The following SLAMF8 variants were observed in gnomAD, a reference collection of about 807,000 sequenced individuals.
SLAMF8 encodes the protein SLAM family member 8.
Under a neutral mutation model 29.0 loss-of-function variants are expected in SLAMF8, and 23 were observed. The observed-to-expected ratio is 0.79, with a 90% CI of 0.57 to 1.13. The LOEUF is 1.13. Among genes scored for constraint, SLAMF8 ranks in the 50% most tolerant of loss-of-function variants. The pLI is 0.00. For missense variants in SLAMF8, 381 were observed against 353.1 expected (o/e 1.08, Z -0.63); for synonymous variants, 139 against 145.6 (o/e 0.96, Z 0.32).
rs553740686 is a variant in SLAMF8 at position 159,826,974 on chromosome 1, G to C, written c.40+36G>C. The C allele has an allele frequency of 1.7e-5, 28 of 1,613,562 alleles. No homozygotes were observed. The South Asian group carries it at 2.9e-4, about 16-fold the overall frequency. Reference sequence around the variant, plus strand: ...CAGGCAGATAGCCTGTCCTCGGAGAGCTGAAGGCCCCTCCCCAGCTGCCTA... The same window carrying C: ...CAGGCAGATAGCCTGTCCTCGGAGACCTGAAGGCCCCTCCCCAGCTGCCTA... On this transcript the variant is annotated intron_variant, in intron 1 of 4. Transcript: ENST00000289707.
At chr1:159,835,140 T>A in intron 4 of SLAMF8, 44 bp from the exon 5 acceptor site, 1 of 1,594,516 alleles carries the variant, frequency 6.3e-7, no homozygotes, top group Non-Finnish European at 8.6e-7. Flanking sequence ...ATTCCAAGAC[T>A]CCAAACACTG....
rs752748736 is a variant in SLAMF8 at position 159,829,976 on chromosome 1, C to T, written c.151C>T (p.Arg51Ter). The change falls in exon 2 of 5, where the codon CGA (arginine) becomes TGA (stop). Residue 51 changes from arginine to a stop codon, truncating the protein, a stop_gained. Coordinates refer to ENST00000289707, the MANE Select transcript of SLAMF8 (RefSeq NM_020125.3). LOFTEE classifies it high-confidence loss of function. ...PGFQVREAIW[R>*]SLWPSEELLA... ...CTTCCAAGTCCGTGAGGCTATCTGG[C>T]GATCTCTCTGGCCTTCAGAAGAGCT... The T allele has an allele frequency of 3.0e-5, 49 of 1,614,134 alleles. No individual in the cohort carries two copies. Among genetic ancestry groups the T allele is most frequent in the Admixed American group, 1.2e-4 (7 of 60,016 alleles).
chr1:159,830,009 A>ACGTTT lies in SLAMF8; in HGVS notation c.185_189dup (p.Phe64ArgfsTer43), dbSNP rs769680613. 1 of 1,614,202 alleles carries ACGTTT rather than the reference A, an allele frequency of 6.2e-7. No individual in the cohort carries two copies. Among genetic ancestry groups the ACGTTT allele is most frequent in the South Asian group, 1.1e-5 (1 of 91,082 alleles). ...CTGGCCTTCAGAAGAGCTCCTGGCC[A>ACGTTT]CGTTTTTCCGAGGCTCCCTGGAGAC... On this transcript the variant is annotated frameshift_variant, in exon 2 of 5. Transcript: ENST00000289707. LOFTEE classifies it high-confidence loss of function.
Position 159,830,100 on chromosome 1 carries a change from C to T in SLAMF8, c.275C>T (p.Pro92Leu), listed in dbSNP as rs141884763. 3.6e-5 allele frequency: 58 copies of T among 1,614,092 alleles called. No individual in the cohort carries two copies. The highest frequency in any genetic ancestry group is 8.3e-5 in the Admixed American group (5 of 60,008). ...LHSNLSLELGPLESGDSGNFS... is the reference protein window; with the variant it reads ...LHSNLSLELGLLESGDSGNFS... Reference sequence around the variant, plus strand: ...AGCAACCTCAGCCTGGAGCTCGGGCCGCTGGAGTCTGGAGACAGCGGCAAC... The same window carrying T: ...AGCAACCTCAGCCTGGAGCTCGGGCTGCTGGAGTCTGGAGACAGCGGCAAC... The change falls in exon 2 of 5, where the codon CCG becomes CTG. Residue 92 changes from proline to leucine, a missense_variant. By Grantham distance (98) the Pro-to-Leu change is moderately conservative. Coordinates refer to ENST00000289707, the MANE Select transcript of SLAMF8 (RefSeq NM_020125.3).
chr1:159,837,450 G>A lies in SLAMF8; in HGVS notation c.*2190G>A, dbSNP rs548662612. ...GTAGTCAAGCGAAACCCTTGCCTTT[G>A]AGAGTTTATGGTCTGGATAATATAA... is the stretch of plus-strand genomic sequence containing the variant. On this transcript the variant is annotated 3_prime_UTR_variant, in exon 5 of 5. Coordinates refer to ENST00000289707, the MANE Select transcript of SLAMF8 (RefSeq NM_020125.3). 3.7e-6 allele frequency: 1 copy of A among 271,152 alleles called. No individual in the cohort carries two copies. Among genetic ancestry groups the A allele is most frequent in the East Asian group, 1.8e-4 (1 of 5,698 alleles). 16.8% of individuals were successfully genotyped at this position (271,152 alleles called of 1,614,324 possible).
chr1:159,836,172 C>T lies in SLAMF8; in HGVS notation c.*912C>T. Reference sequence around the variant, plus strand: ...TGCCTGAAACTGAGAGAGTGAAGAACCATAAAACGCTATGCAGAAGGAACA... The same window carrying T: ...TGCCTGAAACTGAGAGAGTGAAGAATCATAAAACGCTATGCAGAAGGAACA... On this transcript the variant is annotated 3_prime_UTR_variant, in exon 5 of 5. Transcript: ENST00000289707. The T allele has an allele frequency of 3.0e-6, 3 of 985,388 alleles. No homozygotes were observed. Among genetic ancestry groups the T allele is most frequent in the Non-Finnish European group, 3.6e-6 (3 of 829,924 alleles). The allele number at this position is 985,388 out of a possible 1,614,324, so 61.0% of individuals were successfully genotyped here. A position where few individuals can be genotyped will look rare whatever the true frequency, so the allele number is the denominator to read the frequency against.
Position 159,836,163 on chromosome 1 carries a change from A to G in SLAMF8, c.*903A>G. On this transcript the variant is annotated 3_prime_UTR_variant, in exon 5 of 5. Transcript: ENST00000289707. ...GAGTCTTCCTGCCTGAAACTGAGAG[A>G]GTGAAGAACCATAAAACGCTATGCA... The G allele has an allele frequency of 1.0e-6, 1 of 985,314 alleles. No homozygotes were observed. 61.0% of individuals were successfully genotyped at this position (985,314 alleles called of 1,614,324 possible). A position where few individuals can be genotyped will look rare whatever the true frequency, so the allele number is the denominator to read the frequency against.
At position 159,830,147 on chromosome 1, in the gene SLAMF8, A is replaced by C. The variant is rs1054977744; in HGVS notation, c.322A>C (p.Thr108Pro). 6 of 1,613,510 alleles carry C rather than the reference A, an allele frequency of 3.7e-6. No individual in the cohort carries two copies. Among genetic ancestry groups the C allele is most frequent in the Non-Finnish European group, 4.2e-6 (5 of 1,179,564 alleles). Residue 108 changes from threonine (T) to proline (P), a missense_variant, in exon 2 of 5, where the codon ACA becomes CCA. By Grantham distance (38) the Thr-to-Pro change is conservative (BLOSUM62 -1). Coordinates refer to ENST00000289707, the MANE Select transcript of SLAMF8 (RefSeq NM_020125.3). ...SGNFSVLMVDTRGQPWTQTLQ... is the reference protein window; with the variant it reads ...SGNFSVLMVDPRGQPWTQTLQ... ...CAACTTCTCCGTGTTGATGGTGGAC[A>C]CAAGGGGCCAGCCCTGGACCCAGAC... is the stretch of plus-strand genomic sequence containing the variant.
chr1:159,832,522 TAGGAGGACA>T (rs1370989562), intron 2 of SLAMF8, among the ~76,000 whole-genome samples: 1 of 152,190 alleles, frequency 6.6e-6, no homozygotes, highest in East Asian at 1.9e-4. Flanking sequence ...AGAAGTTTTC[TAGGAGGACA>T]AGAAGGGAAA....
intron 2 of SLAMF8, among the ~76,000 whole-genome samples, chr1:159,830,941 C>G (rs1424036500): frequency 6.6e-6 from 1 of 152,198 alleles, no homozygotes; most frequent in Non-Finnish European, 1.5e-5. Context: ...GGTGCGACTT[C>G]TGCTTCGCAT....
rs1212224236 is a variant in SLAMF8 at position 159,837,023 on chromosome 1, C to G, written c.*1763C>G. On this transcript the variant is annotated 3_prime_UTR_variant, in exon 5 of 5. Transcript: ENST00000289707. ...GAAAGCCCAGGATCTGACAATGAGC[C>G]CTGGTGGATTTGTGGGGAAAAAATA... 1 of 985,262 alleles carries G rather than the reference C, an allele frequency of 1.0e-6. No homozygotes were observed. Among genetic ancestry groups the G allele is most frequent in the Non-Finnish European group, 1.2e-6 (1 of 829,950 alleles). 61.0% of individuals were successfully genotyped at this position (985,262 alleles called of 1,614,324 possible).
At chr1:159,828,784 G>A (rs568807619) in intron 1 of SLAMF8, among the ~76,000 whole-genome samples, 72 of 152,242 alleles carry the variant, frequency 4.7e-4, no homozygotes, top group Admixed American at 4.6e-3. Context: ...TGAGGGATAG[G>A]GGAGGTCGGA....
In SLAMF8 at chr1:159,837,095, C is replaced by T; in HGVS notation, c.*1835C>T. ...TTCGTTCATCTCCAGGGCCCCACCTCAGATCAAAGCAGCTCTGGATGAGAT... is the reference window on the plus strand; with the variant it reads ...TTCGTTCATCTCCAGGGCCCCACCTTAGATCAAAGCAGCTCTGGATGAGAT... On this transcript the variant is annotated 3_prime_UTR_variant, in exon 5 of 5. Coordinates refer to ENST00000289707, the MANE Select transcript of SLAMF8 (RefSeq NM_020125.3). 1.0e-6 allele frequency: 1 copy of T among 985,472 alleles called. No individual in the cohort carries two copies. The highest frequency in any genetic ancestry group is 1.2e-6 in the Non-Finnish European group (1 of 829,964). 61.0% of individuals were successfully genotyped at this position (985,472 alleles called of 1,614,324 possible).
rs148009811 is a variant in SLAMF8, at chr1:159,830,096, G to A, written c.271G>A (p.Gly91Arg). The A allele has an allele frequency of 1.6e-4, 257 of 1,614,158 alleles. 1 individual carries two copies. Among genetic ancestry groups the A allele is most frequent in the African/African-American group, 1.5e-3 (109 of 75,036 alleles). Residue 91 changes from glycine to arginine, a missense_variant, in exon 2 of 5, where the codon GGG (glycine) becomes AGG (arginine). Gly to Arg is a moderately radical substitution (Grantham distance 125). Transcript: ENST00000289707. ...QLHSNLSLEL[G>R]PLESGDSGNF... is the part of the protein sequence containing the mutation. ...ACACAGCAACCTCAGCCTGGAGCTC[G>A]GGCCGCTGGAGTCTGGAGACAGCGG...
Position 159,835,482 on chromosome 1 carries a change from C to G in SLAMF8, c.*222C>G, listed in dbSNP as rs1352076133. The G allele has an allele frequency of 1.5e-6, 2 of 1,327,492 alleles. No individual in the cohort carries two copies. Among genetic ancestry groups the G allele is most frequent in the African/African-American group, 3.0e-5 (2 of 67,016 alleles). The allele number at this position is 1,327,492 out of a possible 1,614,324, so 82.2% of individuals were successfully genotyped here. A position where few individuals can be genotyped will look rare whatever the true frequency, so the allele number is the denominator to read the frequency against. On this transcript the variant is annotated 3_prime_UTR_variant, in exon 5 of 5. Coordinates refer to ENST00000289707, the MANE Select transcript of SLAMF8 (RefSeq NM_020125.3). Reference sequence around the variant, plus strand: ...CTTCCCTCTCCCATCTTCTCATATCCTGGCTCTTCTCTGGGCAAGATGAGC... The same window carrying G: ...CTTCCCTCTCCCATCTTCTCATATCGTGGCTCTTCTCTGGGCAAGATGAGC...
chr1:159,834,328 C>A (rs1398999845), intron 4 of SLAMF8: 3 of 152,246 alleles, frequency 2.0e-5, no homozygotes, highest in Non-Finnish European at 2.9e-5. Flanking sequence ...TTCTCTCCAG[C>A]AGAGAGAAGG....
chr1:159,831,253 T>A (rs1469087360), intron 2 of SLAMF8, among the ~76,000 whole-genome samples: 2 of 152,072 alleles, frequency 1.3e-5, no homozygotes, highest in Admixed American at 6.5e-5. Context: ...AGGTAGCAGC[T>A]GGGAAGAGGG....
intron 4 of SLAMF8, among the ~76,000 whole-genome samples, chr1:159,833,737 C>T (rs919205030): frequency 1.3e-5 from 2 of 152,172 alleles, no homozygotes; most frequent in South Asian, 4.1e-4. Flanking sequence ...TGCCCCAATA[C>T]TCAGGCTGAT....
In SLAMF8 at chr1:159,835,641, C is replaced by T. The variant is rs1041659474; in HGVS notation, c.*381C>T. 2.0e-6 allele frequency: 2 copies of T among 1,011,256 alleles called. No individual in the cohort carries two copies. The highest frequency in any genetic ancestry group is 4.4e-5 in the South Asian group (1 of 22,712). 62.6% of individuals were successfully genotyped at this position (1,011,256 alleles called of 1,614,324 possible). ...ACCAACTGGCACCAAGGAATTGCCT[C>T]CAGCCTGAGTCCTAGGCTCTAAAAG... On this transcript the variant is annotated 3_prime_UTR_variant, in exon 5 of 5. Coordinates refer to ENST00000289707, the MANE Select transcript of SLAMF8 (RefSeq NM_020125.3).
Sources: gnomAD v4.1 joint callset for allele counts (sites outside exome capture counted in the v4.1 genomes callset) on GRCh38, gnomAD v4.1.1 for gene constraint, MANE v1.5 for transcripts, NCBI Gene and HGNC (gene_info 2026-07-23, HGNC 2026-07-21) for gene names.